The following DOCK4 variants were observed in gnomAD, a reference collection of about 807,000 sequenced individuals.
The protein encoded by DOCK4 is dedicator of cytokinesis 4.
Under a neutral mutation model 268.1 loss-of-function variants are expected in DOCK4, and 97 were observed. The ratio of observed to expected loss-of-function variants is 0.36; its 90% CI spans 0.31 to 0.43. The LOEUF is 0.43. DOCK4 is among the 20% of genes least tolerant of loss of function. DOCK4 has a pLI of 1.00. For synonymous variants in DOCK4, 954 were observed against 887.2 expected, an observed-to-expected ratio of 1.08 and a Z score of -1.34; for missense variants, 2,145 against 2,455.7, an observed-to-expected ratio of 0.87 and a Z score of 2.67.
At chr7:111,740,795 ACT>A (rs1421293136) in intron 47 of DOCK4, among the ~76,000 whole-genome samples, 1 of 143,600 alleles carries the variant, frequency 7.0e-6, no homozygotes, top group Non-Finnish European at 1.5e-5. Context: ...GTGGCAACAC[ACT>A]CTGAGAGTCC....
intron 1 of DOCK4, among the ~76,000 whole-genome samples, chr7:112,161,571 G>T (rs1442508270): frequency 6.6e-6 from 1 of 152,120 alleles, no homozygotes; most frequent in Non-Finnish European, 1.5e-5. Context: ...TATTCATTCT[G>T]CATTCCAATG....
intron 27 of DOCK4, among the ~76,000 whole-genome samples, chr7:111,812,628 C>G (rs1362591784): frequency 6.6e-6 from 1 of 152,054 alleles, no homozygotes; most frequent in East Asian, 1.9e-4. Flanking sequence ...AAAAATGGAG[C>G]CCAAAGACAA....
At chr7:111,788,941 A>C in intron 31 of DOCK4, 194 bp from the exon 32 acceptor site, 2 of 610,516 alleles carry the variant, frequency 3.3e-6, no homozygotes, top group Non-Finnish European at 5.9e-6. Context: ...ACATGACTTC[A>C]CACTCCTGGC....
chr7:112,063,637 C>T (rs1329178764), intron 1 of DOCK4, among the ~76,000 whole-genome samples: 3 of 151,930 alleles, frequency 2.0e-5, no homozygotes, highest in South Asian at 2.1e-4. Flanking sequence ...ATCATAAAGT[C>T]GAAAAATTGT....
At chr7:111,767,529 C>A (rs1797841874) in intron 37 of DOCK4, among the ~76,000 whole-genome samples, 1 of 152,062 alleles carries the variant, frequency 6.6e-6, no homozygotes, top group Admixed American at 6.6e-5. Context: ...CCGTCCACTT[C>A]TTAATCTTTA....
intron 1 of DOCK4, among the ~76,000 whole-genome samples, chr7:112,184,925 TTA>T (rs367576592): frequency 3.3e-5 from 5 of 152,296 alleles, no homozygotes; most frequent in African/African-American, 1.2e-4. Context: ...GGAAAGCACT[TTA>T]TAGTTTACAT....
chr7:111,881,428 T>C (rs1562840100), intron 16 of DOCK4, among the ~76,000 whole-genome samples: 1 of 152,088 alleles, frequency 6.6e-6, no homozygotes, highest in South Asian at 2.1e-4. Context: ...CAGTAACAAA[T>C]GCTGGTGAAG....
intron 1 of DOCK4, among the ~76,000 whole-genome samples, chr7:112,160,722 C>G (rs894724785): frequency 3.9e-5 from 6 of 152,208 alleles, no homozygotes; most frequent in Non-Finnish European, 8.8e-5. Flanking sequence ...CAGCAGGGAA[C>G]AACAATTAAT....
chr7:112,159,371 G>A (rs971357308), intron 1 of DOCK4, among the ~76,000 whole-genome samples: 6 of 151,920 alleles, frequency 3.9e-5, no homozygotes, highest in East Asian at 1.9e-4. Context: ...TCCCTGGTGC[G>A]TGTCCACCAC....
intron 1 of DOCK4, among the ~76,000 whole-genome samples, chr7:112,009,965 C>G (rs556164706): frequency 6.6e-6 from 1 of 152,218 alleles, no homozygotes; most frequent in African/African-American, 2.4e-5. Context: ...TGAAAGCGTT[C>G]GCCACCACAC....
At chr7:111,804,825 C>G (rs148741032) in intron 30 of DOCK4, among the ~76,000 whole-genome samples, 2,530 of 152,222 alleles carry the variant, frequency 0.017, 64 homozygotes, top group African/African-American at 0.047. Flanking sequence ...GTCTCGAACT[C>G]CTGACCTCAC....
At chr7:112,204,155 A>G (rs1191873820) in intron 1 of DOCK4, among the ~76,000 whole-genome samples, 2 of 152,180 alleles carry the variant, frequency 1.3e-5, no homozygotes, top group Admixed American at 6.5e-5. Flanking sequence ...CCGGTTTGCC[A>G]TTCCAGGAAA....
intron 41 of DOCK4, among the ~76,000 whole-genome samples, chr7:111,758,020 G>A (rs1037408475): frequency 5.9e-5 from 9 of 152,072 alleles, no homozygotes; most frequent in Admixed American, 2.6e-4. Flanking sequence ...GTAGGAAGGC[G>A]TGTTGGAACT....
At chr7:111,995,998 C>T (rs758677604) in intron 4 of DOCK4, among the ~76,000 whole-genome samples, 9 of 152,072 alleles carry the variant, frequency 5.9e-5, no homozygotes, top group South Asian at 2.1e-4. Flanking sequence ...TTTGAAGCAG[C>T]GTTTGCAATT....
At chr7:112,071,373 G>C (rs1173955939) in intron 1 of DOCK4, among the ~76,000 whole-genome samples, 2 of 152,068 alleles carry the variant, frequency 1.3e-5, no homozygotes, top group Non-Finnish European at 2.9e-5. Context: ...GCACCTGGCA[G>C]AGTGTATTAA....
intron 16 of DOCK4, among the ~76,000 whole-genome samples, chr7:111,887,934 G>A (rs531003611): frequency 6.6e-6 from 1 of 151,868 alleles, no homozygotes. Context: ...AAGGAATCCT[G>A]CCCAATCCCC....
At chr7:112,005,784 C>A (rs575941633) in intron 1 of DOCK4, among the ~76,000 whole-genome samples, 4 of 152,164 alleles carry the variant, frequency 2.6e-5, no homozygotes, top group Non-Finnish European at 5.9e-5. Flanking sequence ...CCCTTGTACA[C>A]CCAGGGCTGC....
chr7:111,978,849 G>GT (rs1798396241), intron 7 of DOCK4, among the ~76,000 whole-genome samples: 1 of 152,202 alleles, frequency 6.6e-6, no homozygotes, highest in Non-Finnish European at 1.5e-5. Context: ...CACACTTCAA[G>GT]TAACACTGAT....
intron 7 of DOCK4, among the ~76,000 whole-genome samples, chr7:111,982,793 C>A (rs976049697): frequency 2.6e-5 from 4 of 152,054 alleles, no homozygotes; most frequent in African/African-American, 9.7e-5. Flanking sequence ...ACAGTGTGTT[C>A]CCTAAAGGAA....
Sources: gnomAD v4.1 joint callset for allele counts (sites outside exome capture counted in the v4.1 genomes callset) on GRCh38, gnomAD v4.1.1 for gene constraint, MANE v1.5 for transcripts, NCBI Gene and HGNC (gene_info 2026-07-23, HGNC 2026-07-21) for gene names.